The following USH2A variants were observed in gnomAD, a reference collection of about 807,000 sequenced individuals.
USH2A encodes the protein Usher syndrome 2A (autosomal recessive, mild).
Under a neutral mutation model 538.9 loss-of-function variants are expected in USH2A, and 443 were observed. That is an observed-to-expected ratio of 0.82 (90% CI 0.76 to 0.89). USH2A has a LOEUF of 0.89. Ranked by LOEUF, USH2A falls within the 40% of genes least tolerant of loss-of-function variation. The pLI, the probability that USH2A is intolerant of heterozygous loss-of-function variation, is 0.00. For missense variants in USH2A, 6,633 were observed against 6,324.8 expected (o/e 1.05, Z -1.65); for synonymous variants, 2,413 against 2,273.5 (o/e 1.06, Z -1.75).
chr1:215,763,804 A>G (rs1338868899), intron 56 of USH2A, among the ~76,000 whole-genome samples: 1 of 152,166 alleles, frequency 6.6e-6, no homozygotes, highest in South Asian at 2.1e-4. Context: ...TTCTCTTCTT[A>G]TAGCTATGAG....
At chr1:216,147,613 T>G (rs1448237021) in intron 21 of USH2A, among the ~76,000 whole-genome samples, 1 of 151,342 alleles carries the variant, frequency 6.6e-6, no homozygotes, top group African/African-American at 2.4e-5. Flanking sequence ...TAAATAAAAC[T>G]CCAAAAATTA....
Position 216,365,024 on chromosome 1 carries a change from T to C in USH2A, c.713A>G (p.Asn238Ser). 7 of 1,613,746 alleles carry C rather than the reference T, an allele frequency of 4.3e-6. No homozygotes were observed. The highest frequency in any genetic ancestry group is 1.3e-5 in the African/African-American group (1 of 75,040). The change falls in exon 4 of 72, where the codon AAT becomes AGT. Residue 238 changes from asparagine to serine, a missense_variant. Coordinates refer to ENST00000307340, the MANE Select transcript of USH2A (RefSeq NM_206933.4). ...NGVEKDHTPF[N>S]ARTLSGSITD... ...AATTGAACCACTTAGAGTTCTTGCA[T>C]TGAAAGGTGTATGATCCTTCTCCAC...
chr1:216,006,291 T>A (rs536049957), intron 32 of USH2A, among the ~76,000 whole-genome samples: 1 of 152,186 alleles, frequency 6.6e-6, no homozygotes, highest in Non-Finnish European at 1.5e-5. Context: ...CTCTTCCACT[T>A]GTCACATCAA....
intron 9 of USH2A, among the ~76,000 whole-genome samples, chr1:216,317,586 G>T (rs1456839020): frequency 1.3e-5 from 2 of 152,020 alleles, no homozygotes; most frequent in Non-Finnish European, 2.9e-5. Context: ...GGTGGCTCAT[G>T]CCTGTAATCC....
At chr1:215,759,538 G>T in intron 57 of USH2A, 122 bp downstream of exon 57, 1 of 1,186,210 alleles carries the variant, frequency 8.4e-7, no homozygotes, top group Non-Finnish European at 1.2e-6. Context: ...TTATTGAATG[G>T]CCAATGAATG....
At chr1:216,283,691 C>A (rs1476364523) in intron 11 of USH2A, among the ~76,000 whole-genome samples, 1 of 152,164 alleles carries the variant, frequency 6.6e-6, no homozygotes, top group Non-Finnish European at 1.5e-5. Flanking sequence ...AATTGAATTA[C>A]TAAACATGTA....
chr1:215,752,981 C>A (rs1660671874), intron 58 of USH2A, among the ~76,000 whole-genome samples: 1 of 152,080 alleles, frequency 6.6e-6, no homozygotes, highest in African/African-American at 2.4e-5. Context: ...ACAAACAGCC[C>A]CATCAAAAAG....
intron 32 of USH2A, among the ~76,000 whole-genome samples, chr1:216,004,974 A>T (rs573498754): frequency 6.6e-6 from 1 of 152,194 alleles, no homozygotes; most frequent in Non-Finnish European, 1.5e-5. Flanking sequence ...AATTTTCCCA[A>T]TGAAGAAAAC....
At chr1:216,254,740 CCTAT>C (rs1488673817) in intron 11 of USH2A, among the ~76,000 whole-genome samples, 13 of 152,142 alleles carry the variant, frequency 8.5e-5, no homozygotes. Context: ...GTGAGGTCTT[CCTAT>C]CTAACTGCTG....
In USH2A at chr1:216,084,782, T is replaced by C; in HGVS notation, c.5083A>G (p.Ser1695Gly). The stretch of plus-strand genomic sequence containing the variant: ...TACACGTTGATTTGTTCTTCAGAAC[T>C]CTGCCAATCCAGAGGTTCCCAAATA... ...SAIWEPLDWQSSEEQINVYNS... is the reference protein window; with the variant it reads ...SAIWEPLDWQGSEEQINVYNS... The change falls in exon 25 of 72, where the codon AGT (serine) becomes GGT (glycine). Residue 1695 changes from serine (S) to glycine (G), a missense_variant. Coordinates refer to ENST00000307340, the MANE Select transcript of USH2A (RefSeq NM_206933.4). 6.2e-7 allele frequency: 1 copy of C among 1,613,614 alleles called. No individual in the cohort carries two copies. The highest frequency in any genetic ancestry group is 1.1e-5 in the South Asian group (1 of 91,072).
At position 216,231,270 on chromosome 1, in the gene USH2A, A is replaced by G. The variant is rs1558331874; in HGVS notation, c.2993+683T>C. 1.7e-5 allele frequency among the ~76,000 whole-genome samples: 2 copies of G among 115,266 alleles called. 1 individual carries two copies. The highest frequency in any genetic ancestry group is 3.5e-5 in the Non-Finnish European group (2 of 56,484). The allele number at this position is 115,266 out of a possible 152,430, so 75.6% of individuals were successfully genotyped here. On this transcript the variant is annotated intron_variant, in intron 14 of 71. Transcript: ENST00000307340. ...TATATTATATATATAATATATATAT[A>G]TAATATATATACACAGAGAGACAGA...
chr1:215,943,020 G>A (rs755866719), intron 37 of USH2A, among the ~76,000 whole-genome samples: 4 of 152,106 alleles, frequency 2.6e-5, no homozygotes, highest in Admixed American at 6.6e-5. Context: ...GTGCATCTTC[G>A]CACCCTCTAG....
intron 11 of USH2A, among the ~76,000 whole-genome samples, chr1:216,279,961 G>A (rs1477941045): frequency 6.6e-6 from 1 of 151,850 alleles, no homozygotes; most frequent in Admixed American, 6.6e-5. Flanking sequence ...GTCAGTGGAG[G>A]GAAAGGATGG....
At chr1:215,850,192 G>C (rs1027377849) in intron 44 of USH2A, among the ~76,000 whole-genome samples, 1 of 151,928 alleles carries the variant, frequency 6.6e-6, no homozygotes, top group East Asian at 1.9e-4. Context: ...CAGCAGATGA[G>C]AAAGGCAAGA....
At chr1:216,145,881 C>T (rs539081297) in intron 21 of USH2A, among the ~76,000 whole-genome samples, 16 of 152,212 alleles carry the variant, frequency 1.1e-4, no homozygotes, top group African/African-American at 3.9e-4. Context: ...GAACAAACCC[C>T]CTTTGACTGT....
intron 32 of USH2A, among the ~76,000 whole-genome samples, chr1:216,007,960 T>A (rs1408812139): frequency 6.6e-6 from 1 of 152,242 alleles, no homozygotes; most frequent in Admixed American, 6.5e-5. Context: ...GACTGAAATT[T>A]ATGAATGCCA....
At chr1:216,025,346 A>T (rs964481431) in intron 32 of USH2A, among the ~76,000 whole-genome samples, 4 of 150,062 alleles carry the variant, frequency 2.7e-5, no homozygotes, top group Non-Finnish European at 5.9e-5. Context: ...CATCACTGAA[A>T]TTATCATGAA....
At chr1:215,902,724 C>CAA (rs1323759500) in intron 38 of USH2A, among the ~76,000 whole-genome samples, 3 of 152,124 alleles carry the variant, frequency 2.0e-5, no homozygotes, top group Admixed American at 6.6e-5. Flanking sequence ...AGAGACTTCA[C>CAA]TGGCATGAGG....
chr1:216,204,326 C>A (rs766369219), intron 16 of USH2A: 1 of 152,122 alleles, frequency 6.6e-6, no homozygotes, highest in Non-Finnish European at 1.5e-5. Context: ...ATTCTCGAAG[C>A]GCTAGCTTGA....
Sources: gnomAD v4.1 joint callset for allele counts (sites outside exome capture counted in the v4.1 genomes callset) on GRCh38, gnomAD v4.1.1 for gene constraint, MANE v1.5 for transcripts, NCBI Gene and HGNC (gene_info 2026-07-23, HGNC 2026-07-21) for gene names.